The following SESTD1 variants were observed in gnomAD, a reference collection of about 807,000 sequenced individuals.
SESTD1 encodes SEC14 domain and spectrin repeat-containing protein 1.
Under a neutral mutation model 101.7 loss-of-function variants are expected in SESTD1, and 43 were observed. That is an observed-to-expected ratio of 0.42 (90% CI 0.33 to 0.55). The LOEUF is 0.55. SESTD1 is among the 20% of genes least tolerant of loss of function. SESTD1 has a pLI of 0.07. For synonymous variants in SESTD1, 283 were observed against 286.8 expected, an observed-to-expected ratio of 0.99 and a Z score of 0.13; for missense variants, 647 against 815.1, an observed-to-expected ratio of 0.79 and a Z score of 2.51.
At position 179,116,335 on chromosome 2, in the gene SESTD1, G is replaced by C. The variant is rs376666363; in HGVS notation, c.1647+333C>G. ...GTTCTGTATTATTATGCTAACACTAGTGTGATGCAGAAAGTGAGGTTTCTT... is the reference window on the plus strand; with the variant it reads ...GTTCTGTATTATTATGCTAACACTACTGTGATGCAGAAAGTGAGGTTTCTT... On this transcript the variant is annotated intron_variant, in intron 15 of 17. Transcript: ENST00000428443. Among the ~76,000 whole-genome samples the C allele has an allele frequency of 4.0e-5, 6 of 151,610 alleles. No individual in the cohort carries two copies. The South Asian group carries it at 1.3e-3, about 32-fold the overall frequency.
Position 179,112,775 on chromosome 2 carries a change from A to T in SESTD1, c.1910T>A (p.Val637Asp), listed in dbSNP as rs1234961450. ...TAATCTATCCAAAAGTGATTTCCCA[A>T]CTGCTTCAATTTCATCAAATTGCTC... Reference protein sequence around the residue: ...DEEQFDEIEAVGKSLLDRLTV... With the variant: ...DEEQFDEIEADGKSLLDRLTV... The change falls in exon 17 of 18, where the codon GTT (valine) becomes GAT (aspartate). Residue 637 changes from valine (V) to aspartate (D), a missense_variant. Physicochemically the swap from Val to Asp is radical, Grantham distance 152 (BLOSUM62 -3). Transcript: ENST00000428443. 1.9e-6 allele frequency: 3 copies of T among 1,613,192 alleles called. No homozygotes were observed. Among genetic ancestry groups the T allele is most frequent in the East Asian group, 4.5e-5 (2 of 44,882 alleles).
At position 179,109,205 on chromosome 2, in the gene SESTD1, C is replaced by T. The variant is rs887987607; in HGVS notation, c.*694G>A. ...TCCTGTCTAAAATACATGCAACCAC[C>T]ATGAAAAAACAAATATTAAACCATC... On this transcript the variant is annotated 3_prime_UTR_variant, in exon 18 of 18. Coordinates refer to ENST00000428443, the MANE Select transcript of SESTD1 (RefSeq NM_178123.5). The T allele has an allele frequency of 6.6e-6, 1 of 152,448 alleles. No homozygotes were observed. The highest frequency in any genetic ancestry group is 1.5e-5 in the Non-Finnish European group (1 of 68,028). The allele number at this position is 152,448 out of a possible 1,614,324, so 9.4% of individuals were successfully genotyped here.
At chr2:179,221,884 T>C (rs1371211588) in intron 1 of SESTD1, among the ~76,000 whole-genome samples, 1 of 149,988 alleles carries the variant, frequency 6.7e-6, no homozygotes, top group African/African-American at 2.5e-5. Flanking sequence ...TGTGCTACTG[T>C]ACTCCAGCCT....
At position 179,160,375 on chromosome 2, in the gene SESTD1, A is replaced by G. The variant is rs1433931989; in HGVS notation, c.370-8984T>C. On this transcript the variant is annotated intron_variant, in intron 5 of 17. Coordinates refer to ENST00000428443, the MANE Select transcript of SESTD1 (RefSeq NM_178123.5). ...TTCCAAAGCTACAAAAAAAGCTTTG[A>G]AAATCTTCAGTGAAGTGATTAATGA... 2.6e-5 allele frequency among the ~76,000 whole-genome samples: 4 copies of G among 152,144 alleles called. No individual in the cohort carries two copies. In the East Asian group the frequency reaches 7.7e-4, roughly 29 times the overall value.
chr2:179,143,787 G>A lies in SESTD1; in HGVS notation c.654C>T (p.Ser218=), dbSNP rs747960256. 10 of 1,612,884 alleles carry A rather than the reference G, an allele frequency of 6.2e-6. No individual in the cohort carries two copies. The East Asian group carries it at 6.7e-5, about 11-fold the overall frequency. ...CATTAAATCGACGCTGCTGTAATTC[G>A]GACAACAATTCATGCCCTTTACAAA... is the stretch of plus-strand genomic sequence containing the variant. ...TVLQTGHELL[S]ELQQRRFNGS... The change falls in exon 9 of 18, where the codon TCC becomes TCT. Residue 218 remains serine (S), a synonymous_variant. Transcript: ENST00000428443.
chr2:179,220,853 C>T (rs2046804459), intron 1 of SESTD1, among the ~76,000 whole-genome samples: 1 of 152,150 alleles, frequency 6.6e-6, no homozygotes, highest in Admixed American at 6.6e-5. Flanking sequence ...TTCCTCTCTC[C>T]TTGGTTAAAA....
chr2:179,153,031 A>C (rs2045559279), intron 5 of SESTD1, among the ~76,000 whole-genome samples: 1 of 152,222 alleles, frequency 6.6e-6, no homozygotes, highest in South Asian at 2.1e-4. Context: ...AGAAAAACAA[A>C]GTACAAATAA....
In SESTD1 at chr2:179,112,857, A is replaced by G; in HGVS notation, c.1840-12T>C. 1 of 1,604,714 alleles carries G rather than the reference A, an allele frequency of 6.2e-7. No individual in the cohort carries two copies. Among genetic ancestry groups the G allele is most frequent in the Non-Finnish European group, 8.5e-7 (1 of 1,178,302 alleles). On this transcript the variant is annotated splice_polypyrimidine_tract_variant and intron_variant, in intron 16 of 17. Transcript: ENST00000428443. ...CAGTCCTGCAAAATCTGCAACAAAT[A>G]AAAGAGCAACATCAATCAAGAGACA... is the stretch of plus-strand genomic sequence containing the variant.
chr2:179,195,812 T>C (rs752715244), intron 1 of SESTD1, among the ~76,000 whole-genome samples: 1 of 143,280 alleles, frequency 7.0e-6, no homozygotes, highest in Non-Finnish European at 1.5e-5. Context: ...AAGAAGGTTA[T>C]AAAGGTAAAA....
chr2:179,116,446 A>C, intron 15 of SESTD1: 1 of 612,200 alleles, frequency 1.6e-6, no homozygotes, highest in Admixed American at 2.7e-5. Context: ...ACATAGCATA[A>C]ATCAGAGGGA....
At chr2:179,123,549 C>T (rs2044799203) in intron 12 of SESTD1, among the ~76,000 whole-genome samples, 166 bp downstream of exon 12, 1 of 151,984 alleles carries the variant, frequency 6.6e-6, no homozygotes, top group South Asian at 2.1e-4. Flanking sequence ...AAATTTTCAG[C>T]ATAAATTATA....
chr2:179,189,110 T>C (rs2046281432), intron 2 of SESTD1, among the ~76,000 whole-genome samples: 1 of 151,830 alleles, frequency 6.6e-6, no homozygotes, highest in African/African-American at 2.4e-5. Flanking sequence ...CCTAGTGAGG[T>C]CACAACAACA....
rs1171486279 is a variant in SESTD1, at chr2:179,245,190, G to T, written c.-26+19309C>A. Among the ~76,000 whole-genome samples, 3 of 151,804 alleles carry T rather than the reference G, an allele frequency of 2.0e-5. No individual in the cohort carries two copies. In the East Asian group the frequency reaches 5.8e-4, roughly 30 times the overall value. On this transcript the variant is annotated intron_variant, in intron 1 of 17. Coordinates refer to ENST00000428443, the MANE Select transcript of SESTD1 (RefSeq NM_178123.5). ...GGCAACACAGCATGTTGGCAACATA[G>T]CAAGACCCTGTCTCTACAAAATATT...
intron 2 of SESTD1, among the ~76,000 whole-genome samples, chr2:179,187,742 T>C (rs553155260): frequency 1.3e-5 from 2 of 152,190 alleles, no homozygotes; most frequent in South Asian, 4.2e-4. Context: ...AAAGACCTAT[T>C]ACACATATAC....
intron 9 of SESTD1, among the ~76,000 whole-genome samples, chr2:179,135,929 T>G (rs2045133619): frequency 6.6e-6 from 1 of 152,212 alleles, no homozygotes; most frequent in African/African-American, 2.4e-5. Context: ...TAGAGTGCAA[T>G]GGTTTTTTCC....
intron 7 of SESTD1, among the ~76,000 whole-genome samples, chr2:179,146,904 G>GGTGTGTGTGT (rs71023470): frequency 5.5e-5 from 8 of 145,418 alleles, no homozygotes; most frequent in Admixed American, 4.1e-4. Context: ...ATATTCCAGG[G>GGTGTGTGTGT]GTGTGTGTGT....
intron 15 of SESTD1, among the ~76,000 whole-genome samples, chr2:179,115,574 C>CCTAT (rs980071913): frequency 1.3e-5 from 2 of 151,712 alleles, no homozygotes; most frequent in African/African-American, 4.8e-5. Flanking sequence ...ATAGCAAGAT[C>CCTAT]CTATCTCTAA....
chr2:179,163,834 A>G (rs543287883), intron 5 of SESTD1, among the ~76,000 whole-genome samples: 96 of 152,300 alleles, frequency 6.3e-4, no homozygotes, highest in African/African-American at 2.1e-3. Flanking sequence ...TTAATAAAAC[A>G]TTTGTGCAGG....
At chr2:179,240,468 C>G (rs1258706193) in intron 1 of SESTD1, among the ~76,000 whole-genome samples, 1 of 152,082 alleles carries the variant, frequency 6.6e-6, no homozygotes, top group Admixed American at 6.5e-5. Context: ...GCCTCAGGAC[C>G]TAAGATTAAG....
Sources: gnomAD v4.1 joint callset for allele counts (sites outside exome capture counted in the v4.1 genomes callset) on GRCh38, gnomAD v4.1.1 for gene constraint, MANE v1.5 for transcripts, NCBI Gene and HGNC (gene_info 2026-07-23, HGNC 2026-07-21) for gene names.